GUCY1B1: variants seen among roughly 807,000 people sequenced by gnomAD.
GUCY1B1 encodes guanylate cyclase 1 soluble subunit beta 1.
A neutral mutation model predicts 71.0 loss-of-function variants in GUCY1B1; 43 were observed. The observed-to-expected ratio is 0.61, with a 90% CI of 0.47 to 0.78. The LOEUF is 0.78. GUCY1B1 is among the 30% of genes least tolerant of loss of function. The pLI, the probability that GUCY1B1 is intolerant of heterozygous loss-of-function variation, is 0.00. For synonymous variants in GUCY1B1, 266 were observed against 259.7 expected, an observed-to-expected ratio of 1.02 and a Z score of -0.23; for missense variants, 535 against 754.1, an observed-to-expected ratio of 0.71 and a Z score of 3.40.
At chr4:155,759,318 G>A in intron 1 of GUCY1B1, 175 bp downstream of exon 1, 3 of 622,688 alleles carry the variant, frequency 4.8e-6, no homozygotes, top group Non-Finnish European at 8.1e-6. Flanking sequence ...GGAACGCCGC[G>A]AGTCGTGGCG....
chr4:155,794,588 T>G (rs1739419961), intron 6 of GUCY1B1, among the ~76,000 whole-genome samples: 1 of 152,214 alleles, frequency 6.6e-6, no homozygotes, highest in Admixed American at 6.5e-5. Context: ...TGCTGTTGAC[T>G]TCTATGACAG....
chr4:155,779,816 C>T (rs552761361), intron 4 of GUCY1B1, among the ~76,000 whole-genome samples: 64 of 152,186 alleles, frequency 4.2e-4, no homozygotes, highest in African/African-American at 9.9e-4. Flanking sequence ...ATTTTTATTA[C>T]GTAAATTAGT....
intron 9 of GUCY1B1, among the ~76,000 whole-genome samples, chr4:155,800,371 TTAAC>T (rs2111163506): frequency 6.6e-6 from 1 of 152,342 alleles, no homozygotes; most frequent in Non-Finnish European, 1.5e-5. Flanking sequence ...AAATTGAAGT[TTAAC>T]TATCATTTAT....
chr4:155,760,864 G>T (rs1366733112), intron 2 of GUCY1B1, among the ~76,000 whole-genome samples: 3 of 152,146 alleles, frequency 2.0e-5, no homozygotes, highest in Non-Finnish European at 2.9e-5. Flanking sequence ...ATTTCATTTT[G>T]TTGTCTCAGG....
chr4:155,793,902 T>C lies in GUCY1B1; in HGVS notation c.542T>C (p.Ile181Thr), dbSNP rs1258469331. 6 of 1,580,350 alleles carry C rather than the reference T, an allele frequency of 3.8e-6. No homozygotes were observed. The highest frequency in any genetic ancestry group is 5.2e-6 in the Non-Finnish European group (6 of 1,149,186). ...NEECDHTQFL[I>T]EEKESKEEDF... Reference sequence around the variant, plus strand: ...GAATGTGATCATACTCAATTTTTAATTGAAGAAAAAGAGTCAAAAGAAGAG... The same window carrying C: ...GAATGTGATCATACTCAATTTTTAACTGAAGAAAAAGAGTCAAAAGAAGAG... The change falls in exon 6 of 14, where the codon ATT becomes ACT. Residue 181 changes from isoleucine (I) to threonine (T), a missense_variant. Ile to Thr is a moderately conservative substitution (Grantham distance 89). Coordinates refer to ENST00000264424, the MANE Select transcript of GUCY1B1 (RefSeq NM_000857.5).
chr4:155,800,179 C>A (rs994295902), intron 9 of GUCY1B1, 105 bp downstream of exon 9: 1 of 630,222 alleles, frequency 1.6e-6, no homozygotes, highest in Non-Finnish European at 2.6e-6. Flanking sequence ...CCTGTAATAG[C>A]TCTGGTGTAG....
At chr4:155,806,230 G>A (rs1186588623) in intron 13 of GUCY1B1, among the ~76,000 whole-genome samples, 156 bp from the exon 14 acceptor site, 2 of 152,044 alleles carry the variant, frequency 1.3e-5, no homozygotes, top group African/African-American at 4.8e-5. Flanking sequence ...TTAGTCGTGC[G>A]GTCCTGTTTT....
At chr4:155,767,176 C>T (rs1384039451) in intron 2 of GUCY1B1, among the ~76,000 whole-genome samples, 1 of 152,156 alleles carries the variant, frequency 6.6e-6, no homozygotes, top group Non-Finnish European at 1.5e-5. Flanking sequence ...CCAAAGACAA[C>T]CAATTTAGCA....
intron 2 of GUCY1B1, chr4:155,772,673 G>A: frequency 1.4e-6 from 1 of 701,956 alleles, no homozygotes. Context: ...TCCCACCTGG[G>A]CTTCCCAAAG....
intron 7 of GUCY1B1, 43 bp downstream of exon 7, chr4:155,795,500 A>G: frequency 1.0e-6 from 1 of 955,462 alleles, no homozygotes; most frequent in South Asian, 1.4e-5. Context: ...AAGGTATGTC[A>G]CAAATTAGAA....
chr4:155,805,069 C>T lies in GUCY1B1; in HGVS notation c.1710-34C>T, dbSNP rs763106272. The T allele has an allele frequency of 1.6e-5, 25 of 1,589,346 alleles. No individual in the cohort carries two copies. The South Asian group carries it at 2.8e-4, about 18-fold the overall frequency. On this transcript the variant is annotated intron_variant, in intron 12 of 13. Coordinates refer to ENST00000264424, the MANE Select transcript of GUCY1B1 (RefSeq NM_000857.5). ...ACCTTCTCTATAAAACTTGTGTATA[C>T]TTCTCTCTCTACTCCCCTTCCCTTG...
At chr4:155,801,671 A>G (rs1016392103) in intron 9 of GUCY1B1, among the ~76,000 whole-genome samples, 1 of 152,138 alleles carries the variant, frequency 6.6e-6, no homozygotes, top group Admixed American at 6.6e-5. Context: ...CCATAGGTCT[A>G]GTTTCTGCTT....
At chr4:155,806,241 T>C (rs577143618) in intron 13 of GUCY1B1, 145 bp from the exon 14 acceptor site, 2 of 541,924 alleles carry the variant, frequency 3.7e-6, no homozygotes, top group East Asian at 6.0e-5. Flanking sequence ...GTCCTGTTTT[T>C]CCCAGAATTA....
At chr4:155,796,549 C>T (rs986653224) in intron 8 of GUCY1B1, 39 bp downstream of exon 8, 40 of 1,355,956 alleles carry the variant, frequency 2.9e-5, no homozygotes, top group Admixed American at 6.1e-5. Context: ...CTATCAGTAC[C>T]TATCTTTAGC....
chr4:155,793,017 C>T (rs1739283880), intron 5 of GUCY1B1, among the ~76,000 whole-genome samples: 1 of 152,086 alleles, frequency 6.6e-6, no homozygotes, highest in African/African-American at 2.4e-5. Context: ...CAAAATACCC[C>T]CTCATCAGTG....
intron 4 of GUCY1B1, among the ~76,000 whole-genome samples, chr4:155,787,875 T>TGA (rs1176351915): frequency 6.6e-6 from 1 of 152,226 alleles, no homozygotes; most frequent in Non-Finnish European, 1.5e-5. Flanking sequence ...TTGACCTCTT[T>TGA]GAGACATTTG....
intron 4 of GUCY1B1, among the ~76,000 whole-genome samples, chr4:155,786,752 T>G (rs546193368): frequency 1.3e-5 from 2 of 151,876 alleles, no homozygotes; most frequent in Non-Finnish European, 2.9e-5. Flanking sequence ...GGATTACAGG[T>G]GTGAGGCACC....
intron 2 of GUCY1B1, among the ~76,000 whole-genome samples, chr4:155,768,904 G>T (rs939066984): frequency 1.3e-5 from 2 of 152,098 alleles, no homozygotes; most frequent in African/African-American, 4.8e-5. Context: ...GAGCTTGTTT[G>T]TTTCTTGGCT....
chr4:155,804,572 G>A (rs1416750506), intron 11 of GUCY1B1, 21 bp from the exon 12 acceptor site: 3 of 1,587,776 alleles, frequency 1.9e-6, no homozygotes, highest in Non-Finnish European at 8.6e-7. Flanking sequence ...AATGATTGAA[G>A]CAAAGCTTTC....
Sources: gnomAD v4.1 joint callset for allele counts (sites outside exome capture counted in the v4.1 genomes callset) on GRCh38, gnomAD v4.1.1 for gene constraint, MANE v1.5 for transcripts, NCBI Gene and HGNC (gene_info 2026-07-23, HGNC 2026-07-21) for gene names.